Variants in TRAF3IP1 observed in about 807,000 individuals in gnomAD.
TRAF3IP1 encodes intraflagellar transport 54.
A neutral mutation model predicts 89.9 loss-of-function variants in TRAF3IP1; 53 were observed. The observed-to-expected ratio is 0.59, with a 90% CI of 0.47 to 0.74. The LOEUF is 0.74. TRAF3IP1 is among the 30% of genes least tolerant of loss of function. The pLI, the probability that TRAF3IP1 is intolerant of heterozygous loss-of-function variation, is 0.00. For synonymous variants in TRAF3IP1, 311 were observed against 322.1 expected (o/e 0.97, Z 0.37); for missense variants, 806 against 866.1 (o/e 0.93, Z 0.87).
At chr2:238,370,111 C>G (rs1700043727) in intron 15 of TRAF3IP1, among the ~76,000 whole-genome samples, 1 of 152,134 alleles carries the variant, frequency 6.6e-6, no homozygotes. Flanking sequence ...AGGTTCAGCT[C>G]TCAGGTCATC....
Position 238,329,005 on chromosome 2 carries a change from A to T in TRAF3IP1, c.578A>T (p.Lys193Met), listed in dbSNP as rs1187483943. ...AAGGAAGAATTGAAAGAAGACCGCA[A>T]GCCAAGAGAAAAGGACAAGGACAAG... is the stretch of plus-strand genomic sequence containing the variant. ...KQKEELKEDRKPREKDKDKEK... is the reference protein window; with the variant it reads ...KQKEELKEDRMPREKDKDKEK... Residue 193 changes from lysine (K) to methionine (M), a missense_variant, in exon 5 of 17, where the codon AAG becomes ATG. Transcript: ENST00000373327. 1 of 1,551,878 alleles carries T rather than the reference A, an allele frequency of 6.4e-7. No homozygotes were observed. Among genetic ancestry groups the T allele is most frequent in the African/African-American group, 1.4e-5 (1 of 72,948 alleles).
chr2:238,343,445 G>C (rs1698749211), intron 8 of TRAF3IP1, among the ~76,000 whole-genome samples: 2 of 151,786 alleles, frequency 1.3e-5, no homozygotes, highest in Admixed American at 6.6e-5. Context: ...GTGGTGGCAT[G>C]ATCATGGCTC....
intron 15 of TRAF3IP1, among the ~76,000 whole-genome samples, chr2:238,361,075 T>G (rs1027676919): frequency 2.0e-5 from 3 of 151,356 alleles, no homozygotes; most frequent in Non-Finnish European, 2.9e-5. Context: ...AAACAGAGTC[T>G]GGCTCTGTTG....
chr2:238,388,101 C>T (rs946209670), intron 15 of TRAF3IP1, among the ~76,000 whole-genome samples: 10 of 151,576 alleles, frequency 6.6e-5, no homozygotes, highest in East Asian at 1.9e-4. Flanking sequence ...TAGTCGGGTC[C>T]GGTGGCTTAT....
chr2:238,320,905 G>C (rs1176548860), intron 1 of TRAF3IP1, 120 bp downstream of exon 1: 4 of 911,338 alleles, frequency 4.4e-6, no homozygotes, highest in Non-Finnish European at 5.7e-6. Flanking sequence ...TGCGGGTCGG[G>C]GGCCGGGGCT....
chr2:238,338,827 A>G (rs1022294422), intron 8 of TRAF3IP1, among the ~76,000 whole-genome samples: 1 of 152,190 alleles, frequency 6.6e-6, no homozygotes, highest in African/African-American at 2.4e-5. Context: ...AAATGCTCGC[A>G]GTAGAGATGT....
intron 15 of TRAF3IP1, among the ~76,000 whole-genome samples, chr2:238,372,540 A>G (rs1700153346): frequency 6.6e-6 from 1 of 152,206 alleles, no homozygotes; most frequent in African/African-American, 2.4e-5. Context: ...ATTGATGGAC[A>G]TTTGGGTTGG....
intron 15 of TRAF3IP1, among the ~76,000 whole-genome samples, chr2:238,369,219 A>T (rs1009893063): frequency 6.7e-5 from 10 of 150,116 alleles, no homozygotes; most frequent in African/African-American, 2.0e-4. Context: ...AAGCAATTAA[A>T]GTAAATATAT....
intron 15 of TRAF3IP1, among the ~76,000 whole-genome samples, chr2:238,383,571 A>G (rs750500893): frequency 3.0e-4 from 46 of 152,184 alleles, no homozygotes; most frequent in Admixed American, 2.0e-4. Flanking sequence ...TGCTGAGATG[A>G]AAAATCTTGC....
At chr2:238,335,769 T>A (rs1443855888) in intron 7 of TRAF3IP1, among the ~76,000 whole-genome samples, 1 of 7,558 alleles carries the variant, frequency 1.3e-4, no homozygotes, top group South Asian at 9.6e-3. Context: ...TATTTTATTT[T>A]ATTTATTTAT....
intron 15 of TRAF3IP1, among the ~76,000 whole-genome samples, chr2:238,396,876 G>C (rs1216054033): frequency 2.0e-5 from 3 of 152,128 alleles, no homozygotes; most frequent in Admixed American, 6.6e-5. Context: ...TGCCTGCTGG[G>C]TGCTGCTGGC....
intron 3 of TRAF3IP1, among the ~76,000 whole-genome samples, chr2:238,328,043 A>G (rs1243379229): frequency 1.3e-5 from 2 of 152,224 alleles, no homozygotes; most frequent in Non-Finnish European, 2.9e-5. Flanking sequence ...ACTGCTATGA[A>G]CATGGGTATA....
intron 15 of TRAF3IP1, among the ~76,000 whole-genome samples, chr2:238,396,538 A>T (rs1410623614): frequency 1.3e-5 from 2 of 151,446 alleles, no homozygotes; most frequent in African/African-American, 2.4e-5. Flanking sequence ...ATAATAATAA[A>T]AAAATTAAAA....
At chr2:238,367,036 T>C (rs1298933929) in intron 15 of TRAF3IP1, among the ~76,000 whole-genome samples, 1 of 151,274 alleles carries the variant, frequency 6.6e-6, no homozygotes, top group African/African-American at 2.4e-5. Flanking sequence ...TGGTGGCACG[T>C]GCCTGTAATC....
chr2:238,370,156 G>T (rs887379130), intron 15 of TRAF3IP1, among the ~76,000 whole-genome samples: 10 of 152,244 alleles, frequency 6.6e-5, no homozygotes, highest in African/African-American at 2.4e-4. Context: ...AAATGTATGT[G>T]TCTGTGTTTG....
At position 238,368,819 on chromosome 2, in the gene TRAF3IP1, T is replaced by C. The variant is rs571806522; in HGVS notation, c.1689+12739T>C. On this transcript the variant is annotated intron_variant, in intron 15 of 16. Coordinates refer to ENST00000373327, the MANE Select transcript of TRAF3IP1 (RefSeq NM_015650.4). ...CCTAGTAGCTGAGATTACAGGCGCC[T>C]GCCACCATGTCCAGCTAATTTTTTT... is the stretch of plus-strand genomic sequence containing the variant. 2.0e-5 allele frequency among the ~76,000 whole-genome samples: 3 copies of C among 152,170 alleles called. No homozygotes were observed. The South Asian group carries it at 6.2e-4, about 32-fold the overall frequency.
intron 9 of TRAF3IP1, 62 bp from the exon 10 acceptor site, chr2:238,347,393 A>G (rs1462741378): frequency 5.7e-6 from 9 of 1,573,174 alleles, no homozygotes; most frequent in Non-Finnish European, 7.9e-6. Flanking sequence ...TTCTGTTCTC[A>G]TCATTTAATG....
chr2:238,350,121 G>A (rs541678634), intron 12 of TRAF3IP1, among the ~76,000 whole-genome samples: 2 of 152,270 alleles, frequency 1.3e-5, no homozygotes, highest in East Asian at 3.9e-4. Flanking sequence ...AGATAGGATG[G>A]ATCAGAGTGG....
rs1403425702 is a variant in TRAF3IP1 at position 238,400,599 on chromosome 2, T to C, written c.*1680T>C. 6.6e-6 allele frequency: 1 copy of C among 152,222 alleles called. No individual in the cohort carries two copies. The highest frequency in any genetic ancestry group is 2.4e-5 in the African/African-American group (1 of 41,450). 9.4% of individuals were successfully genotyped at this position (152,222 alleles called of 1,614,324 possible). A position where few individuals can be genotyped will look rare whatever the true frequency, so the allele number is the denominator to read the frequency against. On this transcript the variant is annotated 3_prime_UTR_variant, in exon 17 of 17. Coordinates refer to ENST00000373327, the MANE Select transcript of TRAF3IP1 (RefSeq NM_015650.4). The stretch of plus-strand genomic sequence containing the variant: ...CATAAAATTCTGTTTGATCAGATTA[T>C]ATTACATACATTTTGGGGGAGTGGA...
Sources: gnomAD v4.1 joint callset for allele counts (sites outside exome capture counted in the v4.1 genomes callset) on GRCh38, gnomAD v4.1.1 for gene constraint, MANE v1.5 for transcripts, NCBI Gene and HGNC (gene_info 2026-07-23, HGNC 2026-07-21) for gene names.